The following CALN1 variants were observed in gnomAD, a reference collection of about 807,000 sequenced individuals.
CALN1 encodes the protein calcium-binding protein 8.
CALN1 carries 17 observed loss-of-function variants against 30.6 expected under a neutral mutation model. The ratio of observed to expected loss-of-function variants is 0.56; its 90% CI spans 0.38 to 0.83. The LOEUF is 0.83. Ranked by LOEUF, CALN1 falls within the 40% of genes least tolerant of loss-of-function variation. CALN1 has a pLI of 0.00. For synonymous variants in CALN1, 156 were observed against 131.4 expected, an observed-to-expected ratio of 1.19 and a Z score of -1.28; for missense variants, 291 against 354.9, an observed-to-expected ratio of 0.82 and a Z score of 1.45.
At chr7:72,099,590 C>A (rs1806499104) in intron 4 of CALN1, among the ~76,000 whole-genome samples, 4 of 152,040 alleles carry the variant, frequency 2.6e-5, no homozygotes, top group Admixed American at 2.6e-4. Flanking sequence ...TTGCAAAATA[C>A]CTTCAAGACA....
At chr7:71,976,991 G>A (rs1308968471) in intron 5 of CALN1, among the ~76,000 whole-genome samples, 3 of 152,054 alleles carry the variant, frequency 2.0e-5, no homozygotes, top group Non-Finnish European at 4.4e-5. Context: ...AAATCCACCC[G>A]AACCTTTTCT....
At chr7:72,134,757 T>C (rs780569805) in intron 3 of CALN1, among the ~76,000 whole-genome samples, 2 of 152,152 alleles carry the variant, frequency 1.3e-5, no homozygotes, top group Non-Finnish European at 2.9e-5. Flanking sequence ...AAGACAACAA[T>C]GAATTTGGCC....
chr7:72,218,292 C>T (rs1247242992), intron 3 of CALN1, among the ~76,000 whole-genome samples: 2 of 151,530 alleles, frequency 1.3e-5, no homozygotes, highest in Non-Finnish European at 2.9e-5. Flanking sequence ...ACTAAAAATA[C>T]AAAAAATTAT....
At position 71,935,268 on chromosome 7, in the gene CALN1, A is replaced by G. The variant is rs570389266; in HGVS notation, c.501+88389T>C. Among the ~76,000 whole-genome samples, 179 of 152,340 alleles carry G rather than the reference A, an allele frequency of 1.2e-3. 1 individual carries two copies. Among genetic ancestry groups the G allele is most frequent in the Non-Finnish European group, 1.2e-3 (80 of 68,026 alleles). The stretch of plus-strand genomic sequence containing the variant: ...GTGAATCTGGCAAAGGAGTTGTTTC[A>G]GCTCTTCCCAGAGCAGACAGCAAGC... On this transcript the variant is annotated intron_variant, in intron 5 of 6. Transcript: ENST00000395275.
At chr7:72,416,088 C>T (rs549448208), upstream of CALN1, among the ~76,000 whole-genome samples, 2 of 152,174 alleles carry the variant, frequency 1.3e-5, no homozygotes, top group Non-Finnish European at 2.9e-5. Flanking sequence ...AGGTGGGAGG[C>T]AGGACTTGAC....
intron 3 of CALN1, among the ~76,000 whole-genome samples, chr7:72,213,303 A>C (rs1276548924): frequency 6.6e-6 from 1 of 152,262 alleles, no homozygotes; most frequent in Admixed American, 6.5e-5. Flanking sequence ...CTTGGACATC[A>C]AGGAATTTTC....
chr7:72,153,147 T>C (rs1787388069), intron 3 of CALN1, among the ~76,000 whole-genome samples: 1 of 152,166 alleles, frequency 6.6e-6, no homozygotes, highest in Non-Finnish European at 1.5e-5. Flanking sequence ...CCAAATTCTG[T>C]TCCAAGAAGA....
chr7:72,184,978 T>A, intron 3 of CALN1, among the ~76,000 whole-genome samples: 1 of 151,968 alleles, frequency 6.6e-6, no homozygotes, highest in East Asian at 1.9e-4. Flanking sequence ...TATTTTAATT[T>A]TTTTTTGTAG....
chr7:72,442,345 C>G (rs1808373302), intron 1 of CALN1, among the ~76,000 whole-genome samples: 1 of 152,246 alleles, frequency 6.6e-6, no homozygotes, highest in African/African-American at 2.4e-5. Flanking sequence ...AGCCAAAGTT[C>G]TTACAACGCC....
At chr7:72,082,647 A>C (rs1805223189) in intron 4 of CALN1, among the ~76,000 whole-genome samples, 1 of 152,174 alleles carries the variant, frequency 6.6e-6, no homozygotes, top group African/African-American at 2.4e-5. Flanking sequence ...GAGTTTTCTC[A>C]TTGCTCGCAT....
At chr7:72,198,292 T>C (rs1791172315) in intron 3 of CALN1, among the ~76,000 whole-genome samples, 1 of 152,188 alleles carries the variant, frequency 6.6e-6, no homozygotes, top group Non-Finnish European at 1.5e-5. Flanking sequence ...CATAAAAAAC[T>C]ATACACCTTC....
intron 4 of CALN1, among the ~76,000 whole-genome samples, chr7:72,079,258 T>A (rs552703734): frequency 7.2e-5 from 11 of 152,276 alleles, no homozygotes; most frequent in Admixed American, 3.3e-4. Context: ...TTCCGTGTTC[T>A]CATCTGGAAA....
chr7:72,103,956 G>C (rs937444193), intron 4 of CALN1: 4 of 152,300 alleles, frequency 2.6e-5, no homozygotes, highest in African/African-American at 9.7e-5. Context: ...CAGGATATGG[G>C]CTTGTGGGGT....
intron 4 of CALN1, among the ~76,000 whole-genome samples, chr7:72,102,854 C>T (rs1163203286): frequency 6.6e-6 from 1 of 152,002 alleles, no homozygotes; most frequent in Non-Finnish European, 1.5e-5. Flanking sequence ...GCAGGCGGAT[C>T]ACAAGGTCAA....
At chr7:72,425,407 C>T (rs1807770247) in intron 1 of CALN1, among the ~76,000 whole-genome samples, 1 of 152,222 alleles carries the variant, frequency 6.6e-6, no homozygotes, top group South Asian at 2.1e-4. Flanking sequence ...AGCCACCACG[C>T]TCGGCCTCCT....
chr7:71,971,973 G>GAAAT (rs1562946744), intron 5 of CALN1, among the ~76,000 whole-genome samples: 2 of 96,870 alleles, frequency 2.1e-5, no homozygotes, highest in Non-Finnish European at 4.4e-5. Context: ...AAGAAAGAAA[G>GAAAT]AAAGAAAGAA....
At chr7:72,357,176 T>G (rs1439589473) in intron 2 of CALN1, among the ~76,000 whole-genome samples, 16 of 151,884 alleles carry the variant, frequency 1.1e-4, no homozygotes, top group African/African-American at 3.4e-4. Flanking sequence ...GAATACAACT[T>G]GAACCAAAAT....
At chr7:72,351,016 C>A (rs974369153) in intron 2 of CALN1, among the ~76,000 whole-genome samples, 11 of 152,014 alleles carry the variant, frequency 7.2e-5, no homozygotes, top group African/African-American at 2.7e-4. Flanking sequence ...TGGCAGGCAC[C>A]TATAAACCCA....
At chr7:72,499,893 CTTTCTTTCT>C in the CALN1 span, among the ~76,000 whole-genome samples, 1 of 45,906 alleles carries the variant, frequency 2.2e-5, no homozygotes, top group Non-Finnish European at 4.0e-5. Context: ...TTCTTTCTTT[CTTTCTTTCT>C]TTCTTTCTTT....
Sources: allele counts gnomAD v4.1 joint callset (sites outside exome capture counted in the v4.1 genomes callset), GRCh38; gene constraint gnomAD v4.1.1; transcripts MANE v1.5; gene names NCBI Gene and HGNC (gene_info 2026-07-23, HGNC 2026-07-21).